EPHA6: variants seen among roughly 807,000 people sequenced by gnomAD.
EPHA6 encodes ephrin type-A receptor 6.
EPHA6 carries 50 observed loss-of-function variants against 112.0 expected under a neutral mutation model. The observed-to-expected ratio is 0.45, with a 90% CI of 0.36 to 0.56. The LOEUF (loss-of-function observed/expected upper bound fraction) is 0.56. Among genes scored for constraint, EPHA6 ranks in the 20% least tolerant of loss-of-function variants. The pLI, the probability that EPHA6 is intolerant of heterozygous loss-of-function variation, is 0.00. For synonymous variants in EPHA6, 529 were observed against 490.7 expected, an observed-to-expected ratio of 1.08 and a Z score of -1.03; for missense variants, 1,280 against 1,417.4, an observed-to-expected ratio of 0.90 and a Z score of 1.56.
chr3:97,743,241 T>G (rs183105488), intron 16 of EPHA6, among the ~76,000 whole-genome samples: 1 of 152,142 alleles, frequency 6.6e-6, no homozygotes, highest in African/African-American at 2.4e-5. Context: ...CATCATGTTA[T>G]GGACCAAACT....
intron 2 of EPHA6, among the ~76,000 whole-genome samples, chr3:96,963,171 A>G (rs1397977581): frequency 1.3e-5 from 2 of 151,866 alleles, no homozygotes; most frequent in Non-Finnish European, 2.9e-5. Context: ...AAAAAAAAAA[A>G]AAAAAAAGAG....
At chr3:97,130,865 C>A (rs2048318753) in intron 3 of EPHA6, among the ~76,000 whole-genome samples, 1 of 152,032 alleles carries the variant, frequency 6.6e-6, no homozygotes, top group Non-Finnish European at 1.5e-5. Context: ...ATAAACAAAC[C>A]ATATCCTAGT....
intron 2 of EPHA6, among the ~76,000 whole-genome samples, chr3:96,972,588 T>C (rs939643999): frequency 6.6e-6 from 1 of 152,154 alleles, no homozygotes; most frequent in East Asian, 1.9e-4. Flanking sequence ...TTAACTGATA[T>C]TTCATTTCCT....
At chr3:97,746,594 AAT>A (rs1383897079) in intron 16 of EPHA6, among the ~76,000 whole-genome samples, 17 of 151,886 alleles carry the variant, frequency 1.1e-4, no homozygotes, top group African/African-American at 2.9e-4. Flanking sequence ...ATTGCATATA[AAT>A]ATGTGTATGT....
intron 11 of EPHA6, 51 bp downstream of exon 11, chr3:97,532,594 T>C (rs2092708079): frequency 6.7e-7 from 1 of 1,489,830 alleles, no homozygotes; most frequent in South Asian, 1.3e-5. Context: ...ATCTCAGTTT[T>C]TTTTTAAGAA....
chr3:97,433,930 G>GTTA lies in EPHA6; in HGVS notation c.1732-14637_1732-14635dup, dbSNP rs774957095. On this transcript the variant is annotated intron_variant, in intron 6 of 17. Coordinates refer to ENST00000389672, the MANE Select transcript of EPHA6 (RefSeq NM_001080448.3). ...CCATGGCTTGGTGCTTTCTAATGGT[G>GTTA]TTAATTCAGGCCATGGAGAAAATCC... 8.5e-5 allele frequency among the ~76,000 whole-genome samples: 13 copies of GTTA among 152,112 alleles called. 1 individual carries two copies. Among genetic ancestry groups the GTTA allele is most frequent in the Non-Finnish European group, 1.5e-4 (10 of 68,022 alleles).
In EPHA6 at chr3:97,164,848, A is replaced by G. The variant is rs1222760236; in HGVS notation, c.1115-61416A>G. 3.9e-5 allele frequency among the ~76,000 whole-genome samples: 6 copies of G among 152,092 alleles called. No homozygotes were observed. The South Asian group carries it at 1.2e-3, about 32-fold the overall frequency. On this transcript the variant is annotated intron_variant, in intron 3 of 17. Coordinates refer to ENST00000389672, the MANE Select transcript of EPHA6 (RefSeq NM_001080448.3). The stretch of plus-strand genomic sequence containing the variant: ...ATTTCTACCACCAGCATCCTATTTG[A>G]GGGTCTTATTAACTCTTTCTGGAAC...
At chr3:97,715,786 T>G (rs80031279) in intron 14 of EPHA6, among the ~76,000 whole-genome samples, 2 of 152,178 alleles carry the variant, frequency 1.3e-5, no homozygotes, top group Admixed American at 1.3e-4. Context: ...CAGTACTTCT[T>G]GTTCCCTCAT....
intron 11 of EPHA6, among the ~76,000 whole-genome samples, chr3:97,541,058 G>A (rs1295539779): frequency 6.6e-6 from 1 of 151,976 alleles, no homozygotes; most frequent in Non-Finnish European, 1.5e-5. Context: ...ATGTAGGGCT[G>A]GATAAAAACC....
rs893958408 is a variant in EPHA6 at position 97,520,435 on chromosome 3, GA to G, written c.2201-11919del. 2.8e-4 allele frequency among the ~76,000 whole-genome samples: 43 copies of G among 152,208 alleles called. No individual in the cohort carries two copies. In the Middle Eastern group the frequency reaches 0.014, roughly 48 times the overall value. On this transcript the variant is annotated intron_variant, in intron 10 of 17. Transcript: ENST00000389672. ...ATTCCCTCTGCTTTTCTTTCTCTGA[GA>G]AAACAATGTATTTCACCTTCATTTA...
At chr3:97,283,083 T>C (rs1231724951) in intron 5 of EPHA6, among the ~76,000 whole-genome samples, 1 of 152,210 alleles carries the variant, frequency 6.6e-6, no homozygotes, top group Non-Finnish European at 1.5e-5. Flanking sequence ...ACTGGAAAAT[T>C]AATATTGTAA....
intron 13 of EPHA6, among the ~76,000 whole-genome samples, chr3:97,625,859 G>T (rs1010980662): frequency 6.6e-6 from 1 of 151,702 alleles, no homozygotes; most frequent in Non-Finnish European, 1.5e-5. Context: ...AAGGAACCTA[G>T]TGGAGGATTG....
At chr3:97,072,195 G>A (rs911738749) in intron 3 of EPHA6, among the ~76,000 whole-genome samples, 1 of 152,134 alleles carries the variant, frequency 6.6e-6, no homozygotes, top group African/African-American at 2.4e-5. Flanking sequence ...CCATGGGATA[G>A]CGTTCTATCC....
intron 3 of EPHA6, among the ~76,000 whole-genome samples, chr3:97,044,980 G>A (rs2045452183): frequency 6.6e-6 from 1 of 152,046 alleles, no homozygotes; most frequent in Non-Finnish European, 1.5e-5. Flanking sequence ...GGATAAATTA[G>A]TAGAAGAAAA....
intron 10 of EPHA6, among the ~76,000 whole-genome samples, chr3:97,486,620 C>T (rs1384591742): frequency 2.0e-5 from 3 of 152,122 alleles, no homozygotes; most frequent in African/African-American, 4.8e-5. Flanking sequence ...TATGAGGCTG[C>T]TGCATTAATC....
At chr3:97,478,064 A>T (rs1159478833) in intron 8 of EPHA6, among the ~76,000 whole-genome samples, 1 of 151,996 alleles carries the variant, frequency 6.6e-6, no homozygotes, top group East Asian at 1.9e-4. Context: ...GGAGGGAGTA[A>T]TTTCTTAAAT....
intron 5 of EPHA6, among the ~76,000 whole-genome samples, chr3:97,283,344 C>T (rs1166461434): frequency 2.0e-5 from 3 of 151,884 alleles, no homozygotes; most frequent in Admixed American, 2.0e-4. Context: ...GAATAAATAT[C>T]TCAAAAATTA....
intron 5 of EPHA6, among the ~76,000 whole-genome samples, chr3:97,365,941 A>C (rs1434637951): frequency 6.6e-6 from 1 of 152,200 alleles, no homozygotes; most frequent in Non-Finnish European, 1.5e-5. Context: ...TGGGAGGAGT[A>C]AGATTCAGCC....
Position 97,296,036 on chromosome 3 carries a change from A to C in EPHA6, c.1606+51749A>C, listed in dbSNP as rs1158416664. Among the ~76,000 whole-genome samples, 3 of 152,120 alleles carry C rather than the reference A, an allele frequency of 2.0e-5. No individual in the cohort carries two copies. In the East Asian group the frequency reaches 5.8e-4, roughly 29 times the overall value. On this transcript the variant is annotated intron_variant, in intron 5 of 17. Coordinates refer to ENST00000389672, the MANE Select transcript of EPHA6 (RefSeq NM_001080448.3). ...AGCTTGCTCAGATGCCAGCAGTGGAAGTGGTTGGCCAGGCAGCTGTGTGGG... is the reference window on the plus strand; with the variant it reads ...AGCTTGCTCAGATGCCAGCAGTGGACGTGGTTGGCCAGGCAGCTGTGTGGG...
Sources: gnomAD v4.1 joint callset for allele counts (sites outside exome capture counted in the v4.1 genomes callset) on GRCh38, gnomAD v4.1.1 for gene constraint, MANE v1.5 for transcripts, NCBI Gene and HGNC (gene_info 2026-07-23, HGNC 2026-07-21) for gene names.